GMDS: variants seen among roughly 807,000 people sequenced by gnomAD.
GMDS encodes GDP-mannose 4,6-dehydratase.
Under a neutral mutation model 49.9 loss-of-function variants are expected in GMDS, and 20 were observed. The observed-to-expected ratio is 0.40, with a 90% confidence interval of 0.28 to 0.58. The LOEUF (loss-of-function observed/expected upper bound fraction) is 0.58, where lower values mean the gene tolerates loss of function less well. GMDS is among the 20% of genes least tolerant of loss of function. The pLI is 0.42. For synonymous variants in GMDS, 177 were observed against 178.6 expected, an observed-to-expected ratio of 0.99 and a Z score of 0.07; for missense variants, 362 against 481.4, an observed-to-expected ratio of 0.75 and a Z score of 2.32.
chr6:1,643,992 C>G (rs972475580), intron 9 of GMDS, among the ~76,000 whole-genome samples: 26 of 152,172 alleles, frequency 1.7e-4, no homozygotes, highest in African/African-American at 6.0e-4. Flanking sequence ...GGCGGACGGC[C>G]CTTACCCAGC....
At chr6:2,020,338 A>C (rs564676397) in intron 4 of GMDS, among the ~76,000 whole-genome samples, 9 of 151,942 alleles carry the variant, frequency 5.9e-5, no homozygotes, top group African/African-American at 1.7e-4. Context: ...ATAAATTAAA[A>C]AATAAAAACA....
At position 2,136,198 on chromosome 6, in the gene GMDS, A is replaced by G. The variant is rs115473076; in HGVS notation, c.103-11467T>C. Among the ~76,000 whole-genome samples, 864 of 152,344 alleles carry G rather than the reference A, an allele frequency of 5.7e-3. 2 individuals are homozygous for G. The highest frequency in any genetic ancestry group is 0.017 in the Middle Eastern group (5 of 292). ...ACATGTCATTATGCAGCACATGACT[A>G]TATTTTACACTTATGGCATATCACA... On this transcript the variant is annotated intron_variant, in intron 1 of 10. Transcript: ENST00000380815.
chr6:1,870,559 T>G (rs948710259), intron 7 of GMDS, among the ~76,000 whole-genome samples: 6 of 152,198 alleles, frequency 3.9e-5, no homozygotes, highest in African/African-American at 1.4e-4. Flanking sequence ...TCAGACTGGC[T>G]GTGTGAGTAC....
intron 7 of GMDS, among the ~76,000 whole-genome samples, chr6:1,802,457 TTTTCC>T (rs1324426943): frequency 6.6e-6 from 1 of 152,232 alleles, no homozygotes; most frequent in African/African-American, 2.4e-5. Context: ...GTCTAAAAGA[TTTTCC>T]TTTCCAACTA....
chr6:1,838,070 T>C (rs1003526540), intron 7 of GMDS, among the ~76,000 whole-genome samples: 1 of 152,124 alleles, frequency 6.6e-6, no homozygotes, highest in Non-Finnish European at 1.5e-5. Context: ...CTCCCACGAG[T>C]TGAACTTAAA....
chr6:2,060,071 C>G (rs1771055651), intron 4 of GMDS, among the ~76,000 whole-genome samples: 1 of 152,070 alleles, frequency 6.6e-6, no homozygotes, highest in Non-Finnish European at 1.5e-5. Context: ...CTACGTTTTC[C>G]TTTCTTCAAA....
chr6:1,959,939 C>G lies in GMDS; in HGVS notation c.571G>C (p.Val191Leu). 6.2e-7 allele frequency: 1 copy of G among 1,608,662 alleles called. No individual in the cohort carries two copies. Among genetic ancestry groups the G allele is most frequent in the Non-Finnish European group, 8.5e-7 (1 of 1,177,786 alleles). ...AGATTATACGCCTCACGGAAGTTCA[C>G]CACAATCCAATAGGCATAGAGTTTT... is the stretch of plus-strand genomic sequence containing the variant. ...AAKLYAYWIVVNFREAYNLFA... is the reference protein window; with the variant it reads ...AAKLYAYWIVLNFREAYNLFA... The change falls in exon 6 of 11, where the codon GTG becomes CTG. Residue 191 changes from valine (V) to leucine (L), a missense_variant. Coordinates refer to ENST00000380815, the MANE Select transcript of GMDS (RefSeq NM_001500.4).
intron 4 of GMDS, among the ~76,000 whole-genome samples, chr6:2,103,956 GT>G (rs948108730): frequency 6.6e-5 from 10 of 152,196 alleles, no homozygotes; most frequent in Non-Finnish European, 1.2e-4. Context: ...ATAGACTACA[GT>G]TCTATTTTCT....
chr6:1,721,503 TA>T lies in GMDS; in HGVS notation c.987+4912del, dbSNP rs1442836756. Reference sequence around the variant, plus strand: ...AAAAAAAGGAGTAAACATCAGCTAGTAGAGTTTAAGCCAAGATACTTTTCAT... The same window carrying T: ...AAAAAAAGGAGTAAACATCAGCTAGTGAGTTTAAGCCAAGATACTTTTCAT... On this transcript the variant is annotated intron_variant, in intron 9 of 10. Coordinates refer to ENST00000380815, the MANE Select transcript of GMDS (RefSeq NM_001500.4). 7.9e-5 allele frequency among the ~76,000 whole-genome samples: 12 copies of T among 152,250 alleles called. No individual in the cohort carries two copies. In the South Asian group the frequency reaches 2.1e-3, roughly 26 times the overall value.
chr6:1,723,438 T>C (rs1395329945), intron 9 of GMDS, among the ~76,000 whole-genome samples: 2 of 151,644 alleles, frequency 1.3e-5, no homozygotes, highest in Non-Finnish European at 2.9e-5. Flanking sequence ...GCCATTCTCC[T>C]GCCTCAGCCT....
chr6:1,667,804 A>AT (rs200614753), intron 9 of GMDS, among the ~76,000 whole-genome samples: 19,374 of 145,608 alleles, frequency 0.13, 1,679 homozygotes, highest in Non-Finnish European at 0.19. Flanking sequence ...GGCCATTCCA[A>AT]TTTTTTTTAA....
chr6:1,707,220 A>G (rs1765771338), intron 9 of GMDS, among the ~76,000 whole-genome samples: 1 of 152,252 alleles, frequency 6.6e-6, no homozygotes, highest in African/African-American at 2.4e-5. Flanking sequence ...CACCAGAACC[A>G]CGTCTCTGCT....
intron 1 of GMDS, among the ~76,000 whole-genome samples, chr6:2,240,651 C>T (rs1226539970): frequency 1.3e-5 from 2 of 150,992 alleles, no homozygotes; most frequent in East Asian, 1.9e-4. Context: ...CTCATAGAAG[C>T]TCTCTGTTGC....
chr6:1,999,935 TATATATA>T (rs1248861748), intron 4 of GMDS, among the ~76,000 whole-genome samples: 3 of 74,802 alleles, frequency 4.0e-5, no homozygotes, highest in African/African-American at 9.4e-5. Flanking sequence ...TATATATTAT[TATATATA>T]ATATATAATA....
At chr6:1,919,222 C>G (rs1046193226) in intron 7 of GMDS, among the ~76,000 whole-genome samples, 2 of 152,188 alleles carry the variant, frequency 1.3e-5, no homozygotes, top group Non-Finnish European at 2.9e-5. Flanking sequence ...CATGAGATAG[C>G]TAACAAAGTC....
intron 9 of GMDS, among the ~76,000 whole-genome samples, chr6:1,671,666 CTTTTT>C (rs35355483): frequency 7.5e-6 from 1 of 132,820 alleles, no homozygotes; most frequent in African/African-American, 2.8e-5. Context: ...CTTTTAATTA[CTTTTT>C]TTTTTTTTTT....
At position 1,624,832 on chromosome 6, in the gene GMDS, T is replaced by C. The variant is rs1374735246; in HGVS notation, c.988-292A>G. On this transcript the variant is annotated intron_variant, in intron 9 of 10. Transcript: ENST00000380815. Reference sequence around the variant, plus strand: ...CGTCCCTTGGGCTCTTAATGCTTTTTTTTTTTTTTTTTTTTTTTTTTTATA... The same window carrying C: ...CGTCCCTTGGGCTCTTAATGCTTTTCTTTTTTTTTTTTTTTTTTTTTTATA... 1.8e-4 allele frequency: 28 copies of C among 154,022 alleles called. 2 individuals carry two copies. The highest frequency in any genetic ancestry group is 2.6e-4 in the South Asian group (1 of 3,888). The allele number at this position is 154,022 out of a possible 1,614,324, so 9.5% of individuals were successfully genotyped here. A position where few individuals can be genotyped will look rare whatever the true frequency, so the allele number is the denominator to read the frequency against.
intron 7 of GMDS, among the ~76,000 whole-genome samples, chr6:1,809,381 C>T (rs145055607): frequency 4.7e-3 from 714 of 152,284 alleles, no homozygotes; most frequent in Admixed American, 0.01. Flanking sequence ...GAACCCATTA[C>T]CAGTAAGAGT....
At chr6:2,035,068 T>C (rs905002219) in intron 4 of GMDS, among the ~76,000 whole-genome samples, 3 of 152,184 alleles carry the variant, frequency 2.0e-5, no homozygotes, top group African/African-American at 7.2e-5. Context: ...TAAGCTGTTT[T>C]CAGGCCTCTA....
Sources: gnomAD v4.1 joint callset for allele counts (sites outside exome capture counted in the v4.1 genomes callset) on GRCh38, gnomAD v4.1.1 for gene constraint, MANE v1.5 for transcripts, NCBI Gene and HGNC (gene_info 2026-07-23, HGNC 2026-07-21) for gene names.